NEURL1: variants seen among roughly 807,000 people sequenced by gnomAD.
NEURL1 encodes the protein E3 ubiquitin-protein ligase NEURL1.
In NEURL1, 26 loss-of-function variants were observed where a neutral mutation model predicts 41.2. The ratio of observed to expected loss-of-function variants is 0.63; its 90% CI spans 0.46 to 0.87. The LOEUF (loss-of-function observed/expected upper bound fraction) is 0.87, where lower values mean the gene tolerates loss of function less well. Ranked by LOEUF, NEURL1 falls within the 40% of genes least tolerant of loss-of-function variation. The pLI is 0.00. For synonymous variants in NEURL1, 400 were observed against 402.3 expected, an observed-to-expected ratio of 0.99 and a Z score of 0.07; for missense variants, 761 against 871.1, an observed-to-expected ratio of 0.87 and a Z score of 1.59.
intron 2 of NEURL1, 57 bp downstream of exon 2, chr10:103,571,170 T>A: frequency 6.4e-7 from 1 of 1,559,812 alleles, no homozygotes; most frequent in Non-Finnish European, 8.7e-7. Context: ...CCTCATGGCA[T>A]CCCCTGGGCC....
rs536802313 is a variant in NEURL1, at chr10:103,566,236, C to T, written c.86-4636C>T. ...TCCCAAGTAGCTGGGATTACAGGTG[C>T]GAGACACCATGCCTGGCTAATTTTT... On this transcript the variant is annotated intron_variant, in intron 1 of 5. Coordinates refer to ENST00000369780, the MANE Select transcript of NEURL1 (RefSeq NM_004210.5). This position sits in a 1 kb window ranked among gnomAD's most constrained non-coding sequence, Gnocchi z 4.2. Among the ~76,000 whole-genome samples, 13 of 152,046 alleles carry T rather than the reference C, an allele frequency of 8.6e-5. No individual in the cohort carries two copies. Among genetic ancestry groups the T allele is most frequent in the African/African-American group, 1.9e-4 (8 of 41,452 alleles).
chr10:103,584,842 GGCGCGACGAGC>G lies in NEURL1; in HGVS notation c.962_972del (p.Asp321AlafsTer51). 1 of 1,410,214 alleles carries G rather than the reference GGCGCGACGAGC, an allele frequency of 7.1e-7. No homozygotes were observed. Among genetic ancestry groups the G allele is most frequent in the Non-Finnish European group, 9.2e-7 (1 of 1,091,712 alleles). 87.4% of individuals were successfully genotyped at this position (1,410,214 alleles called of 1,614,324 possible). On this transcript the variant is annotated frameshift_variant, in exon 4 of 6. Transcript: ENST00000369780. LOFTEE classifies it high-confidence loss of function. ...CAGACGGTGGCGCGCGTGGAGCACGGGCGCGACGAGCGCGCGCTCGTCTTCACCAGCCGGCC... is the reference window on the plus strand; with the variant it reads ...CAGACGGTGGCGCGCGTGGAGCACGGGCGCGCTCGTCTTCACCAGCCGGCC...
At chr10:103,586,190 G>A (rs1311451450) in intron 4 of NEURL1, among the ~76,000 whole-genome samples, 3 of 152,172 alleles carry the variant, frequency 2.0e-5, no homozygotes, top group Admixed American at 2.0e-4. Context: ...CTTTGATTAA[G>A]GAGACGGTGA....
Position 103,590,180 on chromosome 10 carries a change from C to G in NEURL1, c.1533C>G (p.Thr511=), listed in dbSNP as rs749130978. The G allele has an allele frequency of 6.2e-7, 1 of 1,614,064 alleles. No individual in the cohort carries two copies. Among genetic ancestry groups the G allele is most frequent in the Admixed American group, 1.7e-5 (1 of 60,010 alleles). Residue 511 remains threonine, a synonymous_variant, in exon 6 of 6, where the codon ACC becomes ACG. Transcript: ENST00000369780. The part of the protein sequence containing the change: ...SPVSLPESPV[T]PGLGQWSDEC... The stretch of plus-strand genomic sequence containing the variant: ...TGAGCCTGCCCGAGTCGCCAGTGAC[C>G]CCAGGTCTGGGCCAGTGGAGCGATG...
chr10:103,494,269 C>T lies in NEURL1; in HGVS notation c.-119C>T. On this transcript the variant is annotated 5_prime_UTR_variant, in exon 1 of 6. Transcript: ENST00000369780. Reference sequence around the variant, plus strand: ...CTGCCCGCCCGCCCCCGGCTGCAGCCCCAGCAGGGCCCTCCCCCGGTGGCG... The same window carrying T: ...CTGCCCGCCCGCCCCCGGCTGCAGCTCCAGCAGGGCCCTCCCCCGGTGGCG... 1 of 728,364 alleles carries T rather than the reference C, an allele frequency of 1.4e-6. No individual in the cohort carries two copies. Among genetic ancestry groups the T allele is most frequent in the Non-Finnish European group, 2.1e-6 (1 of 469,296 alleles). The allele number at this position is 728,364 out of a possible 1,614,324, so 45.1% of individuals were successfully genotyped here. A position where few individuals can be genotyped will look rare whatever the true frequency, so the allele number is the denominator to read the frequency against.
intron 1 of NEURL1, among the ~76,000 whole-genome samples, chr10:103,539,582 G>C (rs1205014913): frequency 6.6e-6 from 1 of 152,180 alleles, no homozygotes; most frequent in Admixed American, 6.5e-5. Flanking sequence ...GGGAGCAAAG[G>C]GGTGTGTGGG....
At chr10:103,584,392 G>C in intron 3 of NEURL1, 144 bp from the exon 4 acceptor site, 1 of 475,208 alleles carries the variant, frequency 2.1e-6, no homozygotes, top group Middle Eastern at 5.8e-4. Flanking sequence ...TCTTGACTGT[G>C]TTCGCTAATT....
At chr10:103,525,773 C>T (rs1044140246) in intron 1 of NEURL1, among the ~76,000 whole-genome samples, 2 of 152,146 alleles carry the variant, frequency 1.3e-5, no homozygotes, top group Non-Finnish European at 2.9e-5. Flanking sequence ...CTAGTACTTC[C>T]ACTACTGTGG....
chr10:103,539,778 C>T (rs976895385), intron 1 of NEURL1, among the ~76,000 whole-genome samples: 2 of 152,208 alleles, frequency 1.3e-5, no homozygotes, highest in Non-Finnish European at 2.9e-5. Flanking sequence ...AGGCATGTGA[C>T]TACATTCTGG....
At chr10:103,562,199 A>C (rs2035309440) in intron 1 of NEURL1, among the ~76,000 whole-genome samples, 1 of 152,212 alleles carries the variant, frequency 6.6e-6, no homozygotes, top group South Asian at 2.1e-4. Flanking sequence ...CCTGACCAAC[A>C]TAGTAAAACC....
intron 3 of NEURL1, among the ~76,000 whole-genome samples, chr10:103,583,898 T>C (rs1231370001): frequency 6.6e-6 from 1 of 151,984 alleles, no homozygotes; most frequent in Non-Finnish European, 1.5e-5. Flanking sequence ...TTTGTATAAC[T>C]TGTATGATTT....
chr10:103,511,607 A>G (rs943662582), intron 1 of NEURL1, among the ~76,000 whole-genome samples: 2 of 152,168 alleles, frequency 1.3e-5, no homozygotes, highest in African/African-American at 4.8e-5. Flanking sequence ...AAGCATAATA[A>G]ATATTAGCTA....
At position 103,508,596 on chromosome 10, in the gene NEURL1, T is replaced by C. The variant is rs893838999; in HGVS notation, c.85+14124T>C. Among the ~76,000 whole-genome samples the C allele has an allele frequency of 6.6e-6, 1 of 152,114 alleles. No homozygotes were observed. The highest frequency in any genetic ancestry group is 2.4e-5 in the African/African-American group (1 of 41,420). On this transcript the variant is annotated intron_variant, in intron 1 of 5. Transcript: ENST00000369780. This position sits in a 1 kb window ranked among gnomAD's most constrained non-coding sequence, Gnocchi z 4.3. ...GGGCTGAGAGGGCTTAGCCAGTGCCTGAGAGGGGCAGAAGGGGTTTTCCCT... is the reference window on the plus strand; with the variant it reads ...GGGCTGAGAGGGCTTAGCCAGTGCCCGAGAGGGGCAGAAGGGGTTTTCCCT...
intron 3 of NEURL1, among the ~76,000 whole-genome samples, chr10:103,576,976 G>C (rs982737264): frequency 6.6e-6 from 1 of 152,066 alleles, no homozygotes; most frequent in African/African-American, 2.4e-5. Flanking sequence ...CCCAGCCGAG[G>C]ACCACACTGC....
intron 4 of NEURL1, 118 bp downstream of exon 4, chr10:103,585,343 C>A: frequency 1.1e-6 from 1 of 936,702 alleles, no homozygotes; most frequent in Non-Finnish European, 1.5e-6. Context: ...GCTAAGGAAT[C>A]ACAGACACCT....
intron 3 of NEURL1, among the ~76,000 whole-genome samples, chr10:103,575,714 C>T (rs1055610320): frequency 1.3e-5 from 2 of 152,228 alleles, no homozygotes; most frequent in African/African-American, 4.8e-5. Context: ...AGCAGGCCCT[C>T]CTCCCTGTTA....
chr10:103,538,323 C>T (rs2133862712), intron 1 of NEURL1, among the ~76,000 whole-genome samples: 1 of 152,304 alleles, frequency 6.6e-6, no homozygotes. Context: ...GTAGTTCCAG[C>T]ACTTTGGGAG....
chr10:103,587,058 AAG>A (rs144926198), intron 4 of NEURL1, among the ~76,000 whole-genome samples: 3 of 151,864 alleles, frequency 2.0e-5, no homozygotes, highest in Admixed American at 6.6e-5. Context: ...CAAGAAAAGA[AAG>A]AGAGAGAGAG....
intron 4 of NEURL1, among the ~76,000 whole-genome samples, chr10:103,585,877 G>C (rs186225255): frequency 1.3e-4 from 19 of 150,542 alleles, no homozygotes; most frequent in African/African-American, 4.1e-4. Context: ...TTAACTTTTT[G>C]AGTCTCGGTT....
Sources: allele counts gnomAD v4.1 joint callset (sites outside exome capture counted in the v4.1 genomes callset), GRCh38; gene constraint gnomAD v4.1.1; non-coding constraint Gnocchi (gnomAD v3.1); transcripts MANE v1.5; gene names NCBI Gene and HGNC (gene_info 2026-07-23, HGNC 2026-07-21).